Variants in MED12L observed in about 807,000 individuals in gnomAD.
MED12L encodes mediator of RNA polymerase II transcription subunit 12-like protein.
MED12L carries 60 observed loss-of-function variants against 281.3 expected under a neutral mutation model. The observed-to-expected ratio is 0.21, with a 90% CI of 0.17 to 0.26. The LOEUF (loss-of-function observed/expected upper bound fraction) is 0.26, where lower values mean the gene tolerates loss of function less well. Among genes scored for constraint, MED12L ranks in the 10% least tolerant of loss-of-function variants. The pLI is 1.00. For synonymous variants in MED12L, 974 were observed against 987.2 expected (o/e 0.99, Z 0.25); for missense variants, 2,146 against 2,680.9 (o/e 0.80, Z 4.41).
intron 5 of MED12L, among the ~76,000 whole-genome samples, chr3:151,151,098 GCCATCTGGGCTCACTGCAAGCT>G (rs1718439257): frequency 7.4e-6 from 1 of 134,572 alleles, no homozygotes; most frequent in Admixed American, 8.3e-5. Context: ...GTGCAGTGGC[GCCATCTGGGCTCACTGCAAGCT>G]CCACGTCCCG....
intron 16 of MED12L, among the ~76,000 whole-genome samples, chr3:151,237,498 C>T (rs1431221488): frequency 4.7e-5 from 7 of 150,158 alleles, no homozygotes; most frequent in South Asian, 2.1e-4. Context: ...TACAGGTGCC[C>T]GCCACCATGC....
intron 16 of MED12L, among the ~76,000 whole-genome samples, chr3:151,211,963 A>G (rs1239181864): frequency 6.6e-6 from 1 of 152,204 alleles, no homozygotes; most frequent in Admixed American, 6.5e-5. Context: ...CTTCTTCTGA[A>G]AAGTCACTGG....
At chr3:151,093,822 G>A (rs1720376501) in intron 2 of MED12L, among the ~76,000 whole-genome samples, 1 of 152,216 alleles carries the variant, frequency 6.6e-6, no homozygotes, top group Admixed American at 6.5e-5. Context: ...TTCTTTGACT[G>A]TGTCCCTGGG....
intron 44 of MED12L, 187 bp from the exon 45 acceptor site, chr3:151,432,565 G>A (rs1719656398): frequency 8.1e-6 from 4 of 495,326 alleles, no homozygotes; most frequent in African/African-American, 7.8e-5. Context: ...TGTGAATAAA[G>A]GTGTCCCCTC....
At chr3:151,338,858 A>G in intron 16 of MED12L, 1 of 1,611,134 alleles carries the variant, frequency 6.2e-7, no homozygotes, top group Non-Finnish European at 8.5e-7. Context: ...CTTGTTGGTT[A>G]CCTAGAGAAC....
intron 16 of MED12L, chr3:151,294,473 A>G: frequency 1.2e-6 from 2 of 1,614,240 alleles, no homozygotes; most frequent in South Asian, 1.1e-5. Context: ...AAACACAGCC[A>G]CAACAACCCT....
chr3:151,166,444 A>T (rs138172320), intron 11 of MED12L, among the ~76,000 whole-genome samples: 20 of 152,126 alleles, frequency 1.3e-4, no homozygotes, highest in Admixed American at 9.8e-4. Context: ...GTGTGTGTTA[A>T]GTGTATGTAT....
chr3:151,104,953 A>T (rs961905922), intron 2 of MED12L, among the ~76,000 whole-genome samples: 1 of 152,212 alleles, frequency 6.6e-6, no homozygotes, highest in Non-Finnish European at 1.5e-5. Context: ...CTAATTCAGC[A>T]TGACTGTCTT....
intron 16 of MED12L, among the ~76,000 whole-genome samples, chr3:151,264,347 C>T (rs1432756530): frequency 2.0e-5 from 3 of 152,210 alleles, no homozygotes; most frequent in African/African-American, 7.2e-5. Flanking sequence ...GACATGCCAT[C>T]TTTTAAATGG....
rs753409073 is a variant in MED12L at position 151,376,196 on chromosome 3, C to T, written c.4035C>T (p.His1345=). 7.6e-6 allele frequency: 12 copies of T among 1,587,766 alleles called. No individual in the cohort carries two copies. The South Asian group carries it at 1.0e-4, about 14-fold the overall frequency. The change falls in exon 28 of 45, where the codon CAC becomes CAT. Residue 1345 remains histidine, a synonymous_variant. Coordinates refer to ENST00000687756, the MANE Select transcript of MED12L (RefSeq NM_001393769.1). ...AGGGGGACAATCTGCAAAGACAGCACATTAAGCGTATTCTTCAGGTCAGTC... is the reference window on the plus strand; with the variant it reads ...AGGGGGACAATCTGCAAAGACAGCATATTAAGCGTATTCTTCAGGTCAGTC... ...CTEGDNLQRQ[H]IKRILQNLEQ...
intron 16 of MED12L, among the ~76,000 whole-genome samples, chr3:151,259,344 G>T (rs1738439564): frequency 6.6e-6 from 1 of 152,154 alleles, no homozygotes; most frequent in Non-Finnish European, 1.5e-5. Flanking sequence ...TCTGATCTGA[G>T]GTACAGAACC....
rs559525616 is a variant in MED12L, at chr3:151,222,603, C to T, written c.2250+28937C>T. On this transcript the variant is annotated intron_variant, in intron 16 of 44. Transcript: ENST00000687756. ...GTCTGCCACCATGTGAGATGTGCTC[C>T]ACCATGATTGTGAAGCCTCCTCAGC... Among the ~76,000 whole-genome samples, 227 of 152,318 alleles carry T rather than the reference C, an allele frequency of 1.5e-3. 1 individual carries two copies. The highest frequency in any genetic ancestry group is 2.6e-3 in the Admixed American group (40 of 15,292).
chr3:151,262,446 G>T (rs138756208), intron 16 of MED12L, among the ~76,000 whole-genome samples: 1 of 152,290 alleles, frequency 6.6e-6, no homozygotes, highest in Non-Finnish European at 1.5e-5. Context: ...CTATGGGGTG[G>T]CCCTGACACC....
intron 39 of MED12L, among the ~76,000 whole-genome samples, chr3:151,406,592 C>G (rs1357948891): frequency 6.6e-6 from 1 of 152,038 alleles, no homozygotes; most frequent in Admixed American, 6.6e-5. Context: ...CAGGAGGAAA[C>G]ATAATATGCT....
At chr3:151,366,016 A>T (rs777842849) in intron 23 of MED12L, 25 bp downstream of exon 23, 2 of 1,530,720 alleles carry the variant, frequency 1.3e-6, no homozygotes, top group Admixed American at 2.1e-5. Context: ...TCATTTAAAA[A>T]TTGAACTGTG....
intron 30 of MED12L, 102 bp from the exon 31 acceptor site, chr3:151,377,910 G>A (rs996828417): frequency 3.8e-5 from 44 of 1,163,804 alleles, no homozygotes; most frequent in Non-Finnish European, 4.6e-5. Flanking sequence ...AGAACAGTCT[G>A]TGTGTCTCAT....
At chr3:151,382,516 G>C (rs1712566495) in intron 32 of MED12L, 140 bp from the exon 33 acceptor site, 2 of 523,258 alleles carry the variant, frequency 3.8e-6, no homozygotes, top group Non-Finnish European at 6.7e-6. Flanking sequence ...GGAGGAAGAA[G>C]AAAGCTAAAA....
chr3:151,338,377 A>G lies in MED12L; in HGVS notation c.2251-11682A>G, dbSNP rs1191798844. 6.2e-7 allele frequency: 1 copy of G among 1,614,072 alleles called. No homozygotes were observed. The highest frequency in any genetic ancestry group is 1.7e-5 in the Admixed American group (1 of 60,004). On this transcript the variant is annotated intron_variant, in intron 16 of 44. Coordinates refer to ENST00000687756, the MANE Select transcript of MED12L (RefSeq NM_001393769.1). ...CTGTTGGTCAGAATCATGTTAGGCA[A>G]AGAGAGTAAGAACATGAATGCCCAG... is the stretch of plus-strand genomic sequence containing the variant.
At chr3:151,243,366 G>A (rs1364073278) in intron 16 of MED12L, among the ~76,000 whole-genome samples, 1 of 151,056 alleles carries the variant, frequency 6.6e-6, no homozygotes, top group African/African-American at 2.4e-5. Context: ...CAGCCAGAGA[G>A]AAAGGTCGGG....
Sources: allele counts gnomAD v4.1 joint callset (sites outside exome capture counted in the v4.1 genomes callset), GRCh38; gene constraint gnomAD v4.1.1; transcripts MANE v1.5; gene names NCBI Gene and HGNC (gene_info 2026-07-23, HGNC 2026-07-21).